B3GALT1: variants seen among roughly 807,000 people sequenced by gnomAD.
B3GALT1 encodes UDP-Gal:betaGlcNAc beta 1,3-galactosyltransferase, polypeptide 1.
In B3GALT1, 10 loss-of-function variants were observed where a neutral mutation model predicts 23.2. The ratio of observed to expected loss-of-function variants is 0.43; its 90% CI spans 0.27 to 0.73. The LOEUF is 0.73. Ranked by LOEUF, B3GALT1 falls within the 30% of genes least tolerant of loss-of-function variation. B3GALT1 has a pLI of 0.21. For synonymous variants in B3GALT1, 156 were observed against 141.5 expected (o/e 1.10, Z -0.73); for missense variants, 299 against 405.4 (o/e 0.74, Z 2.25).
At chr2:167,859,558 G>C (rs765963492) in intron 4 of B3GALT1, among the ~76,000 whole-genome samples, 16 of 152,028 alleles carry the variant, frequency 1.1e-4, no homozygotes, top group Non-Finnish European at 1.5e-4. Context: ...TCCCAAGGCA[G>C]GGATTTATAA....
intron 2 of B3GALT1, among the ~76,000 whole-genome samples, chr2:167,614,089 GA>G (rs1230185832): frequency 3.3e-5 from 5 of 151,434 alleles, no homozygotes; most frequent in South Asian, 4.2e-4. Context: ...TACATATTGG[GA>G]AAAAAAGAGA....
intron 2 of B3GALT1, among the ~76,000 whole-genome samples, chr2:167,643,870 T>A (rs1685697478): frequency 6.6e-6 from 1 of 152,176 alleles, no homozygotes; most frequent in Admixed American, 6.5e-5. Flanking sequence ...TACAAGTTAT[T>A]TATGGGGACA....
intron 3 of B3GALT1, among the ~76,000 whole-genome samples, chr2:167,659,230 TC>T (rs1415334162): frequency 1.5e-5 from 2 of 132,056 alleles, no homozygotes; most frequent in Non-Finnish European, 3.5e-5. Flanking sequence ...TTGAGCTAGT[TC>T]CATGTGTTTT....
intron 1 of B3GALT1, among the ~76,000 whole-genome samples, chr2:167,417,125 G>A (rs1159462407): frequency 6.6e-6 from 1 of 152,142 alleles, no homozygotes; most frequent in African/African-American, 2.4e-5. Flanking sequence ...TGGTTTGAAT[G>A]TTTGTCCCCT....
intron 2 of B3GALT1, among the ~76,000 whole-genome samples, chr2:167,644,779 T>TAAAAA (rs199652424): frequency 1.9e-4 from 17 of 91,166 alleles, no homozygotes; most frequent in African/African-American, 6.7e-4. Flanking sequence ...GACTCTGTCT[T>TAAAAA]AAAAAAAAAA....
At chr2:167,791,156 G>T (rs1294848317) in intron 3 of B3GALT1, among the ~76,000 whole-genome samples, 1 of 152,104 alleles carries the variant, frequency 6.6e-6, no homozygotes, top group Non-Finnish European at 1.5e-5. Flanking sequence ...AAACTCTATA[G>T]ATAGGCATTA....
In B3GALT1 at chr2:167,641,541, C is replaced by A. The variant is rs147868637; in HGVS notation, c.-409-5368C>A. ...AAACTCTTAAAACAATGTTTTGCAG[C>A]TAATACAGGTATAACACATGTTAGC... On this transcript the variant is annotated intron_variant, in intron 2 of 4. Transcript: ENST00000392690. 3.9e-3 allele frequency among the ~76,000 whole-genome samples: 587 copies of A among 152,316 alleles called. 5 individuals carry two copies. Among genetic ancestry groups the A allele is most frequent in the African/African-American group, 0.014 (562 of 41,582 alleles).
chr2:167,314,275 T>C (rs942760265), intron 1 of B3GALT1, among the ~76,000 whole-genome samples: 3 of 152,178 alleles, frequency 2.0e-5, no homozygotes, highest in Admixed American at 6.6e-5. Flanking sequence ...AGAAGATTGC[T>C]CAAAGGATGT....
Position 167,869,674 on chromosome 2 carries a change from C to T in B3GALT1, c.635C>T (p.Pro212Leu), listed in dbSNP as rs1690303901. 3 of 1,613,958 alleles carry T rather than the reference C, an allele frequency of 1.9e-6. No homozygotes were observed. The highest frequency in any genetic ancestry group is 2.5e-6 in the Non-Finnish European group (3 of 1,180,008). Reference sequence around the variant, plus strand: ...ACTGGCTATGTCATTAATGGAGGACCGATTCGGGATGTCCGCAGTAAGTGG... The same window carrying T: ...ACTGGCTATGTCATTAATGGAGGACTGATTCGGGATGTCCGCAGTAAGTGG... ...YFTGYVINGG[P>L]IRDVRSKWYM... Residue 212 changes from proline (P) to leucine (L), a missense_variant, in exon 5 of 5, where the codon CCG becomes CTG. Physicochemically the swap from Pro to Leu is moderately conservative, Grantham distance 98 (BLOSUM62 -3). This residue lies in a region of B3GALT1 where 133 missense variants were observed against 204.8 expected (regional missense o/e 0.65). Transcript: ENST00000392690. The surrounding 1 kb of genome is among the most constrained non-coding windows in gnomAD (Gnocchi z 6.4).
chr2:167,340,509 C>G (rs991030653), intron 1 of B3GALT1, among the ~76,000 whole-genome samples: 1 of 152,024 alleles, frequency 6.6e-6, no homozygotes, highest in Non-Finnish European at 1.5e-5. Context: ...TTTTTGCAGT[C>G]CTTTATTGCT....
chr2:167,426,523 C>T (rs556894121), intron 1 of B3GALT1, among the ~76,000 whole-genome samples: 53 of 152,088 alleles, frequency 3.5e-4, no homozygotes, highest in Non-Finnish European at 5.9e-4. Context: ...GTGATCCACC[C>T]ACCTTGACCT....
At chr2:167,492,064 A>G (rs1245560198) in intron 2 of B3GALT1, among the ~76,000 whole-genome samples, 1 of 152,140 alleles carries the variant, frequency 6.6e-6, no homozygotes, top group Admixed American at 6.5e-5. Context: ...TATAATGACA[A>G]ATTTCCATTA....
intron 2 of B3GALT1, among the ~76,000 whole-genome samples, chr2:167,579,629 A>G (rs1454915067): frequency 2.0e-5 from 3 of 151,966 alleles, no homozygotes; most frequent in Non-Finnish European, 4.4e-5. Context: ...AGGCTACTCT[A>G]AAGAGCCATT....
At chr2:167,787,773 G>A (rs561946530) in intron 3 of B3GALT1, among the ~76,000 whole-genome samples, 2 of 152,340 alleles carry the variant, frequency 1.3e-5, no homozygotes, top group South Asian at 4.1e-4. Context: ...GGGTGGAGCA[G>A]CCTTAACCCA....
chr2:167,395,437 A>G (rs553375645), intron 1 of B3GALT1, among the ~76,000 whole-genome samples: 2 of 152,214 alleles, frequency 1.3e-5, no homozygotes, highest in Admixed American at 1.3e-4. Flanking sequence ...GAAGATGGAG[A>G]AAAGAACCAT....
At chr2:167,682,468 C>T (rs1300454916) in intron 3 of B3GALT1, among the ~76,000 whole-genome samples, 1 of 152,150 alleles carries the variant, frequency 6.6e-6, no homozygotes, top group Non-Finnish European at 1.5e-5. Context: ...CAGAGCATTC[C>T]TTCTAAAAGG....
intron 3 of B3GALT1, among the ~76,000 whole-genome samples, chr2:167,797,773 A>G (rs1349137019): frequency 1.3e-5 from 2 of 152,142 alleles, no homozygotes; most frequent in African/African-American, 2.4e-5. Flanking sequence ...CAGTGGCACA[A>G]TCTCGGCTCA....
intron 1 of B3GALT1, among the ~76,000 whole-genome samples, chr2:167,297,298 GTAGT>G (rs1696366272): frequency 6.6e-6 from 1 of 151,798 alleles, no homozygotes; most frequent in Non-Finnish European, 1.5e-5. Flanking sequence ...GTGAATTTTA[GTAGT>G]TAGGAAAGAT....
chr2:167,318,458 C>T (rs1395660363), intron 1 of B3GALT1, among the ~76,000 whole-genome samples: 1 of 151,712 alleles, frequency 6.6e-6, no homozygotes, highest in Non-Finnish European at 1.5e-5. Flanking sequence ...TGAGTGTGTC[C>T]CATTATTACC....
Sources: gnomAD v4.1 joint callset for allele counts (sites outside exome capture counted in the v4.1 genomes callset) on GRCh38, gnomAD v4.1.1 for gene constraint, gnomAD v4.1.1 regional missense constraint, Gnocchi (gnomAD v3.1) non-coding constraint, MANE v1.5 for transcripts, NCBI Gene and HGNC (gene_info 2026-07-23, HGNC 2026-07-21) for gene names.